The following SLC6A4 variants were observed in gnomAD, a reference collection of about 807,000 sequenced individuals.
The protein encoded by SLC6A4 is sodium-dependent serotonin transporter.
Under a neutral mutation model 73.4 loss-of-function variants are expected in SLC6A4, and 22 were observed. That is an observed-to-expected ratio of 0.30 (90% CI 0.21 to 0.43). SLC6A4 has a LOEUF of 0.43. SLC6A4 is among the 20% of genes least tolerant of loss of function. SLC6A4 has a pLI of 1.00. For synonymous variants in SLC6A4, 270 were observed against 315.5 expected (o/e 0.86, Z 1.53); for missense variants, 593 against 808.5 (o/e 0.73, Z 3.23).
chr17:30,217,141 G>C, intron 6 of SLC6A4, 25 bp downstream of exon 6: 1 of 1,608,958 alleles, frequency 6.2e-7, no homozygotes, highest in East Asian at 2.2e-5. Flanking sequence ...GGCAGGCCTG[G>C]GTCAGCAGCC....
chr17:30,232,400 A>G (rs1361355454), intron 1 of SLC6A4, among the ~76,000 whole-genome samples: 3 of 151,772 alleles, frequency 2.0e-5, no homozygotes. Context: ...ATCCCAGGAG[A>G]CCCTCCCCTT....
intron 1 of SLC6A4, among the ~76,000 whole-genome samples, chr17:30,233,332 A>G (rs982204068): frequency 2.0e-5 from 3 of 152,148 alleles, no homozygotes; most frequent in Admixed American, 6.5e-5. Flanking sequence ...GCATCTTGCA[A>G]AGGGCATTTG....
intron 1 of SLC6A4, among the ~76,000 whole-genome samples, chr17:30,230,122 AGAGGAGGAG>A (rs111715707): frequency 1.7e-4 from 21 of 123,666 alleles, no homozygotes; most frequent in African/African-American, 4.4e-4. Context: ...AGGAAGAGGA[AGAGGAGGAG>A]GAGGAGGAGG....
At chr17:30,231,839 A>T (rs868123032) in intron 1 of SLC6A4, among the ~76,000 whole-genome samples, 3 of 152,054 alleles carry the variant, frequency 2.0e-5, no homozygotes, top group Admixed American at 6.5e-5. Flanking sequence ...CAACTCTGAA[A>T]CAAGAGAAAG....
At chr17:30,199,372 T>G (rs1203130893) in intron 14 of SLC6A4, among the ~76,000 whole-genome samples, 1 of 151,986 alleles carries the variant, frequency 6.6e-6, no homozygotes, top group Non-Finnish European at 1.5e-5. Flanking sequence ...ATTAAGTTGC[T>G]TAATAAAATC....
At chr17:30,203,442 T>C (rs1906096501) in intron 13 of SLC6A4, 103 bp from the exon 14 acceptor site, 1 of 993,494 alleles carries the variant, frequency 1.0e-6, no homozygotes, top group Non-Finnish European at 1.5e-6. Context: ...TAAGATACTT[T>C]CAGGAAATTC....
chr17:30,208,147 T>C (rs1315489004), intron 12 of SLC6A4, among the ~76,000 whole-genome samples: 5 of 151,932 alleles, frequency 3.3e-5, no homozygotes, highest in African/African-American at 7.3e-5. Context: ...GGATGGACAT[T>C]TGGGAGGATG....
chr17:30,223,166 A>G (rs1906824566), intron 1 of SLC6A4, among the ~76,000 whole-genome samples: 1 of 152,212 alleles, frequency 6.6e-6, no homozygotes, highest in African/African-American at 2.4e-5. Flanking sequence ...AGACTGTTCA[A>G]CTGCTCACTC....
At chr17:30,215,570 A>C (rs1426693343) in intron 8 of SLC6A4, 41 bp downstream of exon 8, 1 of 1,509,694 alleles carries the variant, frequency 6.6e-7, no homozygotes, top group Non-Finnish European at 9.2e-7. Flanking sequence ...ACTTTCACTC[A>C]CGCCACTTTC....
chr17:30,199,771 A>C (rs942590764), intron 14 of SLC6A4, among the ~76,000 whole-genome samples: 1 of 152,244 alleles, frequency 6.6e-6, no homozygotes, highest in Non-Finnish European at 1.5e-5. Flanking sequence ...CTACCAGAGC[A>C]TGCCGAGTCA....
At chr17:30,200,001 G>C (rs1393058100) in intron 14 of SLC6A4, among the ~76,000 whole-genome samples, 1 of 151,898 alleles carries the variant, frequency 6.6e-6, no homozygotes, top group Non-Finnish European at 1.5e-5. Context: ...TGGGCTCAAG[G>C]GATCCTCCTG....
chr17:30,230,220 CTTTTTGCAGAAAACAAAACTGCTTTTA>C (rs1907072252), intron 1 of SLC6A4, among the ~76,000 whole-genome samples: 1 of 152,044 alleles, frequency 6.6e-6, no homozygotes, highest in Non-Finnish European at 1.5e-5. Flanking sequence ...CAACTTACAA[CTTTTTGCAGAAAACAAAACTGCTTTTA>C]CTCTGTTACC....
chr17:30,226,027 C>T (rs940679770), intron 1 of SLC6A4, among the ~76,000 whole-genome samples: 1 of 152,182 alleles, frequency 6.6e-6, no homozygotes, highest in African/African-American at 2.4e-5. Context: ...ATGCCTGTGA[C>T]GCTCCATCTA....
At chr17:30,215,142 T>C (rs1906528818) in intron 8 of SLC6A4, among the ~76,000 whole-genome samples, 1 of 151,946 alleles carries the variant, frequency 6.6e-6, no homozygotes, top group South Asian at 2.1e-4. Flanking sequence ...CTCAGCTCAC[T>C]GCAACTTCTC....
intron 8 of SLC6A4, among the ~76,000 whole-genome samples, chr17:30,214,930 GTCTC>G (rs888480557): frequency 4.0e-5 from 6 of 151,146 alleles, no homozygotes; most frequent in African/African-American, 1.2e-4. Context: ...ACCGCACCCC[GTCTC>G]TCTCTTTCTT....
chr17:30,210,100 T>C (rs1018112944), intron 11 of SLC6A4, among the ~76,000 whole-genome samples: 16 of 149,222 alleles, frequency 1.1e-4, no homozygotes, highest in African/African-American at 3.4e-4. Flanking sequence ...AAAGGATCTC[T>C]AGAGAGGGTG....
In SLC6A4 at chr17:30,211,406, A is replaced by G. The variant is rs1317796205; in HGVS notation, c.1223T>C (p.Ile408Thr). The G allele has an allele frequency of 6.2e-7, 1 of 1,612,562 alleles. No homozygotes were observed. Among genetic ancestry groups the G allele is most frequent in the South Asian group, 1.1e-5 (1 of 91,048 alleles). Residue 408 changes from isoleucine (I) to threonine (T), a missense_variant, in exon 10 of 15, where the codon ATC becomes ACC. Ile to Thr is a moderately conservative substitution (Grantham distance 89). Transcript: ENST00000650711. This position sits in a 1 kb window ranked among gnomAD's most constrained non-coding sequence, Gnocchi z 4.0. ...AKDAGPSLLF[I>T]TYAEAIANMP... ...GTTGGCTATCGCTTCTGCATACGTG[A>G]TGAAGAGGAGGCTGGGACCTGAGAC...
intron 8 of SLC6A4, among the ~76,000 whole-genome samples, chr17:30,213,676 G>A (rs981336286): frequency 1.3e-5 from 2 of 152,166 alleles, no homozygotes; most frequent in African/African-American, 2.4e-5. Context: ...AGCACAAAGA[G>A]ATTGATGGAT....
At position 30,196,339 on chromosome 17, in the gene SLC6A4, T is replaced by C. The variant is rs1234264277; in HGVS notation, c.*2117A>G. 6.6e-6 allele frequency: 1 copy of C among 151,398 alleles called. No homozygotes were observed. Among genetic ancestry groups the C allele is most frequent in the Non-Finnish European group, 1.5e-5 (1 of 67,840 alleles). The allele number at this position is 151,398 out of a possible 1,614,324, so 9.4% of individuals were successfully genotyped here. On this transcript the variant is annotated 3_prime_UTR_variant, in exon 15 of 15. Coordinates refer to ENST00000650711, the MANE Select transcript of SLC6A4 (RefSeq NM_001045.6). ...AAATAGGGGTCAAATAAATGCATACTATGCGGAACAGACAGAGATTTTCGA... is the reference window on the plus strand; with the variant it reads ...AAATAGGGGTCAAATAAATGCATACCATGCGGAACAGACAGAGATTTTCGA...
Sources: gnomAD v4.1 joint callset for allele counts (sites outside exome capture counted in the v4.1 genomes callset) on GRCh38, gnomAD v4.1.1 for gene constraint, Gnocchi (gnomAD v3.1) non-coding constraint, MANE v1.5 for transcripts, NCBI Gene and HGNC (gene_info 2026-07-23, HGNC 2026-07-21) for gene names.